The following TBC1D23 variants were observed in gnomAD, a reference collection of about 807,000 sequenced individuals.
TBC1D23 encodes TBC1 domain family member 23.
A neutral mutation model predicts 91.4 loss-of-function variants in TBC1D23; 55 were observed. That is an observed-to-expected ratio of 0.60 (90% CI 0.48 to 0.75). The LOEUF (loss-of-function observed/expected upper bound fraction) is 0.75. Ranked by LOEUF, TBC1D23 falls within the 30% of genes least tolerant of loss-of-function variation. The pLI, the probability that TBC1D23 is intolerant of heterozygous loss-of-function variation, is 0.00. For synonymous variants in TBC1D23, 289 were observed against 281.0 expected (o/e 1.03, Z -0.28); for missense variants, 725 against 836.1 (o/e 0.87, Z 1.64).
rs984418206 is a variant in TBC1D23, at chr3:100,315,207, G to A, written c.1599-892G>A. On this transcript the variant is annotated intron_variant, in intron 15 of 18. Coordinates refer to ENST00000394144, the MANE Select transcript of TBC1D23 (RefSeq NM_001199198.3). ...AATGGAGTTTCACTCTTGTTGTCCAGGATGGAGTGCAATGGCGCTATCTTG... is the reference window on the plus strand; with the variant it reads ...AATGGAGTTTCACTCTTGTTGTCCAAGATGGAGTGCAATGGCGCTATCTTG... Among the ~76,000 whole-genome samples, 8 of 138,044 alleles carry A rather than the reference G, an allele frequency of 5.8e-5. No individual in the cohort carries two copies. In the Admixed American group the frequency reaches 6.3e-4, roughly 11 times the overall value. The allele number at this position is 138,044 out of a possible 152,430, so 90.6% of individuals were successfully genotyped here. A position where few individuals can be genotyped will look rare whatever the true frequency, so the allele number is the denominator to read the frequency against.
intron 15 of TBC1D23, 130 bp from the exon 16 acceptor site, chr3:100,315,969 A>C: frequency 5.8e-6 from 4 of 686,768 alleles, no homozygotes; most frequent in Non-Finnish European, 7.8e-6. Flanking sequence ...AACTATGGGT[A>C]GTACATGGGG....
intron 1 of TBC1D23, chr3:100,261,320 G>A: frequency 1.8e-6 from 1 of 552,522 alleles, no homozygotes; most frequent in South Asian, 2.2e-5. Flanking sequence ...CGGTCCTCCT[G>A]TGTCGTCTGT....
Position 100,296,213 on chromosome 3 carries a change from ATAG to A in TBC1D23, c.815_817del (p.Ile272_Glu273delinsLys). ...TCCATCCAGTCTGAATATAGAAGAT[ATAG>A]AAGACCTTTTCTCTCTGGCTCAGTA... On this transcript the variant is annotated inframe_deletion, in exon 8 of 19. Coordinates refer to ENST00000394144, the MANE Select transcript of TBC1D23 (RefSeq NM_001199198.3). 2 of 1,607,688 alleles carry A rather than the reference ATAG, an allele frequency of 1.2e-6. No homozygotes were observed. The highest frequency in any genetic ancestry group is 1.7e-6 in the Non-Finnish European group (2 of 1,176,806).
chr3:100,264,852 G>A (rs80323006), intron 1 of TBC1D23, among the ~76,000 whole-genome samples: 6,144 of 152,142 alleles, frequency 0.04, 398 homozygotes, highest in African/African-American at 0.14. Flanking sequence ...AAATTTAAAC[G>A]TACATTGGAA....
At chr3:100,283,497 C>T (rs927651874) in intron 3 of TBC1D23, 110 bp from the exon 4 acceptor site, 61 of 654,320 alleles carry the variant, frequency 9.3e-5, no homozygotes, top group Non-Finnish European at 1.5e-4. Context: ...TTCACTTTGT[C>T]TTTCTCTAAA....
intron 15 of TBC1D23, chr3:100,315,894 T>G (rs963309630): frequency 1.2e-5 from 7 of 567,348 alleles, no homozygotes; most frequent in African/African-American, 3.7e-5. Context: ...TACCAAGGCC[T>G]TATGCCACTT....
intron 1 of TBC1D23, among the ~76,000 whole-genome samples, chr3:100,265,142 C>T (rs1437832992): frequency 1.3e-5 from 2 of 151,208 alleles, no homozygotes; most frequent in Non-Finnish European, 3.0e-5. Flanking sequence ...TAATGAACTT[C>T]TCAAGGGCAG....
chr3:100,320,528 C>CT (rs1705834422), intron 17 of TBC1D23, among the ~76,000 whole-genome samples: 1 of 151,884 alleles, frequency 6.6e-6, no homozygotes, highest in African/African-American at 2.4e-5. Flanking sequence ...TTGTATGGAA[C>CT]TTTTTATTAT....
At chr3:100,296,703 A>T (rs1384012572) in intron 8 of TBC1D23, among the ~76,000 whole-genome samples, 1 of 151,320 alleles carries the variant, frequency 6.6e-6, no homozygotes, top group Non-Finnish European at 1.5e-5. Flanking sequence ...ACTAAGAAAT[A>T]CAAAAAATTA....
intron 5 of TBC1D23, among the ~76,000 whole-genome samples, chr3:100,292,540 T>G (rs2067800922): frequency 6.6e-6 from 1 of 152,220 alleles, no homozygotes; most frequent in South Asian, 2.1e-4. Flanking sequence ...TCTGGGCTCA[T>G]TAAATCTCAA....
intron 1 of TBC1D23, among the ~76,000 whole-genome samples, chr3:100,269,448 C>T (rs771963555): frequency 1.3e-5 from 2 of 152,164 alleles, no homozygotes; most frequent in African/African-American, 4.8e-5. Flanking sequence ...TAGATAACTT[C>T]ACAATTATCA....
At chr3:100,318,770 C>A (rs1705799448) in intron 16 of TBC1D23, among the ~76,000 whole-genome samples, 1 of 151,802 alleles carries the variant, frequency 6.6e-6, no homozygotes, top group Non-Finnish European at 1.5e-5. Flanking sequence ...CATGCCTCAG[C>A]CTCCCGAGTA....
At chr3:100,314,920 T>G (rs1030627212) in intron 15 of TBC1D23, among the ~76,000 whole-genome samples, 1 of 152,200 alleles carries the variant, frequency 6.6e-6, no homozygotes, top group African/African-American at 2.4e-5. Context: ...TCCTTTGTAG[T>G]AGGTAATTTT....
At chr3:100,277,953 A>G (rs542718887) in intron 1 of TBC1D23, among the ~76,000 whole-genome samples, 2 of 152,302 alleles carry the variant, frequency 1.3e-5, no homozygotes, top group African/African-American at 4.8e-5. Context: ...GTTATTAGTT[A>G]TCTTCTGTTC....
intron 4 of TBC1D23, 98 bp downstream of exon 4, chr3:100,283,909 A>G: frequency 1.5e-6 from 1 of 654,294 alleles, no homozygotes; most frequent in Non-Finnish European, 2.6e-6. Flanking sequence ...GTAAAGTAAA[A>G]GGTTCAAATA....
intron 15 of TBC1D23, 123 bp downstream of exon 15, chr3:100,312,000 T>G (rs1576184094): frequency 1.5e-6 from 1 of 653,578 alleles, no homozygotes; most frequent in East Asian, 2.9e-5. Context: ...TGCTAAACTT[T>G]CCTCATTCTG....
intron 11 of TBC1D23, among the ~76,000 whole-genome samples, chr3:100,303,100 T>G (rs1705461702): frequency 6.6e-6 from 1 of 152,246 alleles, no homozygotes; most frequent in South Asian, 2.1e-4. Context: ...CTCTGCTTTT[T>G]TAAAAATGTC....
intron 1 of TBC1D23, among the ~76,000 whole-genome samples, chr3:100,276,539 T>C (rs1469788501): frequency 2.6e-5 from 4 of 152,220 alleles, no homozygotes; most frequent in African/African-American, 9.6e-5. Flanking sequence ...AATGCTTCCA[T>C]ATGTTATTCA....
At chr3:100,284,355 T>C (rs2067722407) in intron 4 of TBC1D23, among the ~76,000 whole-genome samples, 1 of 137,408 alleles carries the variant, frequency 7.3e-6, no homozygotes, top group South Asian at 2.4e-4. Flanking sequence ...TTCTAGAGTT[T>C]ATATATATAA....
Sources: allele counts gnomAD v4.1 joint callset (sites outside exome capture counted in the v4.1 genomes callset), GRCh38; gene constraint gnomAD v4.1.1; transcripts MANE v1.5; gene names NCBI Gene and HGNC (gene_info 2026-07-23, HGNC 2026-07-21).